Variants in PRELID2 observed in about 807,000 individuals in gnomAD.
PRELID2 encodes the protein PRELI domain containing 2, also known as PRELI domain-containing protein 2.
Under a neutral mutation model 28.4 loss-of-function variants are expected in PRELID2, and 25 were observed. The observed-to-expected ratio is 0.88, with a 90% CI of 0.64 to 1.23. The LOEUF (loss-of-function observed/expected upper bound fraction) is 1.23. Ranked by LOEUF, PRELID2 falls within the 50% of genes most tolerant of loss-of-function variation. PRELID2 has a pLI of 0.00. For synonymous variants in PRELID2, 76 were observed against 71.6 expected (o/e 1.06, Z -0.31); for missense variants, 201 against 214.4 (o/e 0.94, Z 0.39).
chr5:145,246,212 C>T, the PRELID2 span, among the ~76,000 whole-genome samples: 12 of 151,956 alleles, frequency 7.9e-5, 1 homozygote, highest in Non-Finnish European at 1.5e-4. Flanking sequence ...TAACCCCTAC[C>T]GCCAAAAAAG....
intron 1 of PRELID2, among the ~76,000 whole-genome samples, chr5:145,712,600 T>C (rs1755724454): frequency 6.6e-6 from 1 of 152,220 alleles, no homozygotes; most frequent in Non-Finnish European, 1.5e-5. Context: ...TTTCAGCTGC[T>C]ACTGTTCTTT....
intron 1 of PRELID2, among the ~76,000 whole-genome samples, chr5:145,640,483 A>C (rs1049732729): frequency 6.7e-5 from 10 of 149,628 alleles, no homozygotes; most frequent in African/African-American, 2.2e-4. Context: ...CTCAAAAAAA[A>C]AAAAAAAAAA....
chr5:145,660,565 C>G (rs2149676808), intron 1 of PRELID2, among the ~76,000 whole-genome samples: 1 of 152,306 alleles, frequency 6.6e-6, no homozygotes, highest in African/African-American at 2.4e-5. Context: ...GCAGTGCTTT[C>G]TAAGCCACCA....
chr5:145,411,874 T>G, the PRELID2 span, among the ~76,000 whole-genome samples: 3 of 152,218 alleles, frequency 2.0e-5, no homozygotes, highest in African/African-American at 4.8e-5. Flanking sequence ...TCTGCACACC[T>G]GCAGGCTCAA....
chr5:145,415,793 C>T, the PRELID2 span, among the ~76,000 whole-genome samples: 110 of 152,044 alleles, frequency 7.2e-4, 1 homozygote, highest in African/African-American at 2.6e-3. Flanking sequence ...TGGGTATATA[C>T]CCACTAATGA....
chr5:145,317,820 G>A, the PRELID2 span, among the ~76,000 whole-genome samples: 1 of 152,148 alleles, frequency 6.6e-6, no homozygotes, highest in Non-Finnish European at 1.5e-5. Flanking sequence ...TCCTGCTGGT[G>A]CTCATCTTTA....
At chr5:145,826,004 A>G in intron 1 of PRELID2, 1 of 985,054 alleles carries the variant, frequency 1.0e-6, no homozygotes, top group African/African-American at 1.7e-5. Context: ...TTACCTGGGA[A>G]GACAGGAGGC....
At chr5:145,776,493 G>C (rs917974239) in intron 5 of PRELID2, among the ~76,000 whole-genome samples, 1 of 152,188 alleles carries the variant, frequency 6.6e-6, no homozygotes, top group African/African-American at 2.4e-5. Context: ...CATATGCTGA[G>C]GTTGCTAAGA....
the PRELID2 span, among the ~76,000 whole-genome samples, chr5:145,367,759 T>C: frequency 6.6e-6 from 1 of 152,008 alleles, no homozygotes; most frequent in African/African-American, 2.4e-5. Context: ...CATTTATGTC[T>C]TCCCCATATC....
chr5:145,790,072 T>A (rs1206446113), intron 5 of PRELID2, among the ~76,000 whole-genome samples: 1 of 152,216 alleles, frequency 6.6e-6, no homozygotes, highest in African/African-American at 2.4e-5. Context: ...ATACCCATTA[T>A]GGAAAACTAT....
At chr5:145,457,002 T>C in the PRELID2 span, among the ~76,000 whole-genome samples, 1 of 152,168 alleles carries the variant, frequency 6.6e-6, no homozygotes, top group Non-Finnish European at 1.5e-5. Flanking sequence ...GTAGATAATA[T>C]AATCACCTAA....
chr5:145,517,653 AG>A (rs1344983576), intron 1 of PRELID2, among the ~76,000 whole-genome samples: 1 of 152,208 alleles, frequency 6.6e-6, no homozygotes, highest in Admixed American at 6.5e-5. Context: ...ATATACCCAA[AG>A]GATTATAAAT....
chr5:145,632,101 T>C, intron 1 of PRELID2, among the ~76,000 whole-genome samples: 1 of 152,128 alleles, frequency 6.6e-6, no homozygotes, highest in Non-Finnish European at 1.5e-5. Context: ...AGACTCTAGG[T>C]CTTTGGAGAC....
chr5:145,361,945 T>G, the PRELID2 span, among the ~76,000 whole-genome samples: 1 of 152,164 alleles, frequency 6.6e-6, no homozygotes, highest in African/African-American at 2.4e-5. Context: ...TGATGCCAGG[T>G]TCCCTGTGAC....
At chr5:145,436,358 A>T in the PRELID2 span, among the ~76,000 whole-genome samples, 2 of 152,058 alleles carry the variant, frequency 1.3e-5, no homozygotes, top group Non-Finnish European at 2.9e-5. Context: ...GGTTGATTCC[A>T]TGTCTTTACT....
chr5:145,699,591 C>T (rs1387213034), intron 1 of PRELID2, among the ~76,000 whole-genome samples: 2 of 152,152 alleles, frequency 1.3e-5, no homozygotes, highest in Non-Finnish European at 2.9e-5. Flanking sequence ...AACCCTTGCA[C>T]CACAGCCTTC....
downstream of PRELID2, among the ~76,000 whole-genome samples, chr5:145,470,348 A>C (rs563658528): frequency 6.6e-6 from 1 of 152,172 alleles, no homozygotes; most frequent in Non-Finnish European, 1.5e-5. Flanking sequence ...ACTCATGCTA[A>C]CAGGAATCAT....
At chr5:145,731,367 T>C (rs1047299140) in intron 1 of PRELID2, among the ~76,000 whole-genome samples, 4 of 152,230 alleles carry the variant, frequency 2.6e-5, no homozygotes. Context: ...AGATGCATAC[T>C]GACAGGGAAT....
chr5:145,557,278 T>C (rs751773956), intron 1 of PRELID2, among the ~76,000 whole-genome samples: 2 of 152,174 alleles, frequency 1.3e-5, no homozygotes, highest in East Asian at 3.8e-4. Context: ...AAGTAGAAGA[T>C]GGAAAAGTCA....
Sources: allele counts gnomAD v4.1 joint callset (sites outside exome capture counted in the v4.1 genomes callset), GRCh38; gene constraint gnomAD v4.1.1; transcripts MANE v1.5; gene names NCBI Gene and HGNC (gene_info 2026-07-23, HGNC 2026-07-21).